The following WDR7 variants were observed in gnomAD, a reference collection of about 807,000 sequenced individuals.
WDR7 encodes the protein WD repeat domain 7.
Under a neutral mutation model 169.4 loss-of-function variants are expected in WDR7, and 46 were observed. That is an observed-to-expected ratio of 0.27 (90% CI 0.21 to 0.35). The LOEUF (loss-of-function observed/expected upper bound fraction) is 0.35. Ranked by LOEUF, WDR7 falls within the 10% of genes least tolerant of loss-of-function variation. The pLI is 1.00. For synonymous variants in WDR7, 612 were observed against 666.8 expected, an observed-to-expected ratio of 0.92 and a Z score of 1.27; for missense variants, 1,534 against 1,859.3, an observed-to-expected ratio of 0.83 and a Z score of 3.22.
At chr18:56,809,606 T>G (rs2044834661) in intron 19 of WDR7, among the ~76,000 whole-genome samples, 1 of 152,180 alleles carries the variant, frequency 6.6e-6, no homozygotes, top group Non-Finnish European at 1.5e-5. Flanking sequence ...TATTTTTTTT[T>G]GCAAGGATAT....
chr18:56,934,111 TCATCCA>T (rs1488911843), intron 22 of WDR7, among the ~76,000 whole-genome samples: 12 of 152,374 alleles, frequency 7.9e-5, no homozygotes, highest in Middle Eastern at 3.4e-3. Flanking sequence ...CAATCCCTAT[TCATCCA>T]CATTGATGGA....
At chr18:56,804,013 G>T (rs945537476) in intron 19 of WDR7, among the ~76,000 whole-genome samples, 2 of 152,138 alleles carry the variant, frequency 1.3e-5, no homozygotes, top group Non-Finnish European at 2.9e-5. Context: ...GCTCAGGCAG[G>T]ACTCGAACTC....
intron 21 of WDR7, among the ~76,000 whole-genome samples, chr18:56,914,458 C>T (rs12959150): frequency 2.0e-5 from 3 of 152,130 alleles, no homozygotes; most frequent in Non-Finnish European, 4.4e-5. Flanking sequence ...TCAGTAAATA[C>T]GAAATGAATA....
At chr18:56,916,193 G>A (rs2046622739) in intron 21 of WDR7, among the ~76,000 whole-genome samples, 2 of 152,136 alleles carry the variant, frequency 1.3e-5, no homozygotes, top group African/African-American at 4.8e-5. Flanking sequence ...AGGTATACGT[G>A]TGCCATGTTG....
chr18:56,786,556 A>G (rs2044404041), intron 19 of WDR7, among the ~76,000 whole-genome samples: 1 of 151,410 alleles, frequency 6.6e-6, no homozygotes, highest in African/African-American at 2.4e-5. Flanking sequence ...ACAAAGAAAC[A>G]AAAAAGAGTC....
chr18:57,001,047 AAGAGAGAG>A lies in WDR7; in HGVS notation c.4165-19664_4165-19657del, dbSNP rs10536689. Among the ~76,000 whole-genome samples the A allele has an allele frequency of 7.2e-3, 927 of 129,326 alleles. 2 individuals are homozygous for A. The highest frequency in any genetic ancestry group is 0.013 in the Middle Eastern group (3 of 226). The allele number at this position is 129,326 out of a possible 152,430, so 84.8% of individuals were successfully genotyped here. On this transcript the variant is annotated intron_variant, in intron 26 of 27. Transcript: ENST00000254442. Reference sequence around the variant, plus strand: ...AAACCATGAGACCCCATCTCTACAAAAGAGAGAGAGAGAGAGAGAGAGAGAGAGAGAGA... The same window carrying A: ...AAACCATGAGACCCCATCTCTACAAAAGAGAGAGAGAGAGAGAGAGAGAGA...
intron 14 of WDR7, 56 bp from the exon 15 acceptor site, chr18:56,756,527 A>T: frequency 7.5e-7 from 1 of 1,337,646 alleles, no homozygotes; most frequent in Non-Finnish European, 1.0e-6. Context: ...TTATTAATGA[A>T]TGTATGAAAT....
chr18:56,846,637 C>G (rs2045572485), intron 20 of WDR7, among the ~76,000 whole-genome samples: 1 of 152,138 alleles, frequency 6.6e-6, no homozygotes, highest in Non-Finnish European at 1.5e-5. Context: ...GGTGCCATCT[C>G]GATGGTAATG....
chr18:56,680,632 C>T (rs1406940457), intron 3 of WDR7, among the ~76,000 whole-genome samples: 1 of 152,062 alleles, frequency 6.6e-6, no homozygotes, highest in Non-Finnish European at 1.5e-5. Context: ...TGTATTTCTT[C>T]AATAGACAAG....
rs573782911 is a variant in WDR7, at chr18:56,882,335, T to G, written c.3526+2170T>G. ...TTGACATGATTTGGTGTGGTGGCTTTCAAACTTTTTTGCTCAATAACTCCC... is the reference window on the plus strand; with the variant it reads ...TTGACATGATTTGGTGTGGTGGCTTGCAAACTTTTTTGCTCAATAACTCCC... On this transcript the variant is annotated intron_variant, in intron 21 of 27. Coordinates refer to ENST00000254442, the MANE Select transcript of WDR7 (RefSeq NM_015285.3). Among the ~76,000 whole-genome samples the G allele has an allele frequency of 2.6e-5, 4 of 152,340 alleles. No homozygotes were observed. The South Asian group carries it at 8.3e-4, about 32-fold the overall frequency.
intron 9 of WDR7, 46 bp from the exon 10 acceptor site, chr18:56,694,573 T>G: frequency 6.5e-7 from 1 of 1,535,280 alleles, no homozygotes; most frequent in African/African-American, 1.7e-5. Flanking sequence ...GTGAAATATT[T>G]TGATTAAAAA....
intron 21 of WDR7, among the ~76,000 whole-genome samples, chr18:56,895,170 G>C (rs973564765): frequency 2.6e-5 from 4 of 151,936 alleles, no homozygotes; most frequent in African/African-American, 9.7e-5. Context: ...ATATTGAACA[G>C]CTTGTAATTG....
chr18:56,958,487 AT>A (rs1195540955), intron 25 of WDR7, among the ~76,000 whole-genome samples: 1 of 152,108 alleles, frequency 6.6e-6, no homozygotes, highest in Non-Finnish European at 1.5e-5. Flanking sequence ...CAACATTTAT[AT>A]TGAAAATATA....
chr18:56,729,430 T>C (rs975392088), intron 13 of WDR7, among the ~76,000 whole-genome samples: 1 of 152,152 alleles, frequency 6.6e-6, no homozygotes, highest in African/African-American at 2.4e-5. Context: ...AGTGTACATC[T>C]ATTGAGAGTA....
rs569929427 is a variant in WDR7, at chr18:56,959,754, C to G, written c.4065-2676C>G. ...GCTTTAAAAACTATAACGGACCCTT[C>G]TCTTCAATCCATTGATCCCTTCAGG... On this transcript the variant is annotated intron_variant, in intron 25 of 27. Coordinates refer to ENST00000254442, the MANE Select transcript of WDR7 (RefSeq NM_015285.3). Among the ~76,000 whole-genome samples, 59 of 152,322 alleles carry G rather than the reference C, an allele frequency of 3.9e-4. No homozygotes were observed. In the South Asian group the frequency reaches 0.011, roughly 29 times the overall value.
At chr18:56,835,066 T>A (rs1254331516) in intron 20 of WDR7, among the ~76,000 whole-genome samples, 1 of 152,170 alleles carries the variant, frequency 6.6e-6, no homozygotes, top group African/African-American at 2.4e-5. Flanking sequence ...CTCTCCAATA[T>A]GGTTTTTCAA....
chr18:56,781,541 A>G lies in WDR7; in HGVS notation c.3075A>G (p.Glu1025=), dbSNP rs750597706. The G allele has an allele frequency of 6.2e-7, 1 of 1,606,342 alleles. No individual in the cohort carries two copies. The highest frequency in any genetic ancestry group is 1.7e-4 in the Middle Eastern group (1 of 6,026). ...TGGGTCTGTGGTCTTAGGTGAGAGA[A>G]GCCGCGCAGGCCCTGCTTCTGGCGG... The part of the protein sequence containing the change: ...RWQDRCLEVR[E]AAQALLLAEL... Residue 1025 remains glutamate (E), a synonymous_variant, in exon 19 of 28, where the codon GAA becomes GAG. Coordinates refer to ENST00000254442, the MANE Select transcript of WDR7 (RefSeq NM_015285.3).
intron 26 of WDR7, among the ~76,000 whole-genome samples, chr18:57,015,565 T>C (rs1362912292): frequency 1.3e-5 from 2 of 152,204 alleles, no homozygotes; most frequent in African/African-American, 2.4e-5. Flanking sequence ...CTTTGTCTTC[T>C]CTCTGCCTTG....
intron 26 of WDR7, among the ~76,000 whole-genome samples, chr18:57,011,038 AG>A (rs2048128779): frequency 6.6e-6 from 1 of 152,250 alleles, no homozygotes; most frequent in Non-Finnish European, 1.5e-5. Flanking sequence ...TAATTTATAA[AG>A]GATCTTAGTG....
Sources: gnomAD v4.1 joint callset for allele counts (sites outside exome capture counted in the v4.1 genomes callset) on GRCh38, gnomAD v4.1.1 for gene constraint, MANE v1.5 for transcripts, NCBI Gene and HGNC (gene_info 2026-07-23, HGNC 2026-07-21) for gene names.